The following NEK11 variants were observed in gnomAD, a reference collection of about 807,000 sequenced individuals.
NEK11 encodes serine/threonine-protein kinase Nek11.
A neutral mutation model predicts 80.7 loss-of-function variants in NEK11; 72 were observed. The observed-to-expected ratio is 0.89, with a 90% CI of 0.74 to 1.08. The LOEUF (loss-of-function observed/expected upper bound fraction) is 1.08, where lower values mean the gene tolerates loss of function less well. NEK11 is among the 50% of genes least tolerant of loss of function. The probability of loss-of-function intolerance (pLI) is 0.00; values close to 1 mark genes in which losing one functional copy is unlikely to be tolerated. For synonymous variants in NEK11, 251 were observed against 260.7 expected (o/e 0.96, Z 0.36); for missense variants, 764 against 763.6 (o/e 1.00, Z -0.01).
chr3:131,126,546 T>C (rs1032892898), intron 5 of NEK11, among the ~76,000 whole-genome samples: 1 of 152,238 alleles, frequency 6.6e-6, no homozygotes, highest in Non-Finnish European at 1.5e-5. Context: ...TCTTCTGGAT[T>C]CTGTTATTGA....
chr3:131,030,861 G>C (rs1432307706), intron 3 of NEK11, among the ~76,000 whole-genome samples: 1 of 152,064 alleles, frequency 6.6e-6, no homozygotes, highest in African/African-American at 2.4e-5. Flanking sequence ...TTGCTGCAGT[G>C]GAAAGTAAGT....
At chr3:131,095,918 C>G (rs888129853) in intron 4 of NEK11, among the ~76,000 whole-genome samples, 1 of 152,120 alleles carries the variant, frequency 6.6e-6, no homozygotes, top group African/African-American at 2.4e-5. Flanking sequence ...CAACAGTAGT[C>G]ATTTAAGCAG....
chr3:131,198,938 A>G (rs903792716), intron 14 of NEK11, among the ~76,000 whole-genome samples: 1 of 152,154 alleles, frequency 6.6e-6, no homozygotes, highest in African/African-American at 2.4e-5. Flanking sequence ...GAGCCCTTTT[A>G]GTTGCTTTAG....
intron 17 of NEK11, among the ~76,000 whole-genome samples, chr3:131,298,195 T>G (rs951237978): frequency 6.6e-6 from 1 of 151,910 alleles, no homozygotes; most frequent in Non-Finnish European, 1.5e-5. Context: ...TTTCCAATTC[T>G]GTGAAGAAAG....
chr3:131,269,497 C>T (rs532778082), intron 16 of NEK11, among the ~76,000 whole-genome samples: 2 of 152,298 alleles, frequency 1.3e-5, no homozygotes, highest in East Asian at 3.9e-4. Context: ...CACAGTCCCT[C>T]ATGGCTTCCC....
At chr3:131,260,051 G>A (rs1344850917) in intron 16 of NEK11, among the ~76,000 whole-genome samples, 1 of 152,138 alleles carries the variant, frequency 6.6e-6, no homozygotes, top group Non-Finnish European at 1.5e-5. Flanking sequence ...GAGTAGAGCA[G>A]CTTTCACAGT....
chr3:131,316,505 T>C (rs2096841587), intron 17 of NEK11, among the ~76,000 whole-genome samples: 1 of 152,246 alleles, frequency 6.6e-6, no homozygotes, highest in Non-Finnish European at 1.5e-5. Flanking sequence ...AGACCTGTGC[T>C]ATTCTGAGTG....
intron 16 of NEK11, among the ~76,000 whole-genome samples, chr3:131,255,120 GAA>G (rs1272955121): frequency 6.6e-6 from 1 of 150,946 alleles, no homozygotes; most frequent in Non-Finnish European, 1.5e-5. Context: ...AAGAAAGAAA[GAA>G]AGAAAGAGAG....
At chr3:131,201,913 C>T (rs2094246121) in intron 14 of NEK11, among the ~76,000 whole-genome samples, 1 of 152,198 alleles carries the variant, frequency 6.6e-6, no homozygotes, top group Admixed American at 6.5e-5. Context: ...CTGCTCGCTG[C>T]AATCTCTGCC....
chr3:131,280,754 T>C (rs1368711725), intron 17 of NEK11, among the ~76,000 whole-genome samples: 1 of 152,250 alleles, frequency 6.6e-6, no homozygotes, highest in Non-Finnish European at 1.5e-5. Flanking sequence ...TAATTCTGTA[T>C]TCCAATAAAT....
chr3:131,161,350 A>G (rs1579327127), intron 10 of NEK11, among the ~76,000 whole-genome samples: 1 of 152,316 alleles, frequency 6.6e-6, no homozygotes, highest in African/African-American at 2.4e-5. Context: ...CTAAAGGAAT[A>G]TAAATCATTC....
At chr3:131,148,834 T>G (rs1303922817) in intron 7 of NEK11, among the ~76,000 whole-genome samples, 1 of 151,328 alleles carries the variant, frequency 6.6e-6, no homozygotes, top group Non-Finnish European at 1.5e-5. Flanking sequence ...AAATAGGTAG[T>G]TTTTTTTCAT....
At chr3:131,044,225 T>C (rs1032448888) in intron 3 of NEK11, among the ~76,000 whole-genome samples, 17 of 152,064 alleles carry the variant, frequency 1.1e-4, no homozygotes, top group African/African-American at 3.1e-4. Context: ...ATCATAATGA[T>C]AGGATCAAAT....
At chr3:131,139,261 T>A (rs2086305483) in intron 7 of NEK11, among the ~76,000 whole-genome samples, 1 of 149,626 alleles carries the variant, frequency 6.7e-6, no homozygotes, top group African/African-American at 2.5e-5. Context: ...CAGAGTCTCT[T>A]AATAGCAGAA....
At chr3:131,219,814 A>C (rs1233946645) in intron 14 of NEK11, among the ~76,000 whole-genome samples, 1 of 152,234 alleles carries the variant, frequency 6.6e-6, no homozygotes, top group African/African-American at 2.4e-5. Context: ...CACAGCAGCT[A>C]GCAGACGAGG....
At chr3:131,060,964 A>G (rs146824416) in intron 3 of NEK11, among the ~76,000 whole-genome samples, 3 of 152,216 alleles carry the variant, frequency 2.0e-5, no homozygotes, top group African/African-American at 7.2e-5. Context: ...GGAGAACTGT[A>G]TTTGTTTGTT....
intron 17 of NEK11, among the ~76,000 whole-genome samples, chr3:131,348,872 T>G (rs2097407288): frequency 1.3e-5 from 2 of 152,152 alleles, no homozygotes; most frequent in South Asian, 4.1e-4. Context: ...AAAGGTTAAG[T>G]GTGATTGAAA....
intron 16 of NEK11, among the ~76,000 whole-genome samples, chr3:131,246,630 G>A (rs1014106296): frequency 6.6e-6 from 1 of 152,110 alleles, no homozygotes; most frequent in African/African-American, 2.4e-5. Context: ...TAGATACCTA[G>A]TAATGGGATT....
At chr3:131,131,763 C>G (rs1405088360) in intron 5 of NEK11, among the ~76,000 whole-genome samples, 1 of 151,778 alleles carries the variant, frequency 6.6e-6, no homozygotes, top group African/African-American at 2.4e-5. Flanking sequence ...ATTTGCTTTT[C>G]TTTTCTAGTT....
Sources: allele counts gnomAD v4.1 joint callset (sites outside exome capture counted in the v4.1 genomes callset), GRCh38; gene constraint gnomAD v4.1.1; transcripts MANE v1.5; gene names NCBI Gene and HGNC (gene_info 2026-07-23, HGNC 2026-07-21).